The following MTHFS variants were observed in gnomAD, a reference collection of about 807,000 sequenced individuals.
MTHFS encodes methenyltetrahydrofolate synthetase, also known as 5-formyltetrahydrofolate cyclo-ligase.
MTHFS carries 7 observed loss-of-function variants against 12.7 expected under a neutral mutation model. That is an observed-to-expected ratio of 0.55 (90% CI 0.31 to 1.03). MTHFS has a LOEUF of 1.03. Among genes scored for constraint, MTHFS ranks in the 50% least tolerant of loss-of-function variants. MTHFS has a pLI of 0.05. For missense variants in MTHFS, 252 were observed against 258.1 expected (o/e 0.98, Z 0.16); for synonymous variants, 100 against 97.1 (o/e 1.03, Z -0.18).
At chr15:79,894,989 A>G (rs1399386614) in intron 1 of MTHFS, among the ~76,000 whole-genome samples, 2 of 152,132 alleles carry the variant, frequency 1.3e-5, no homozygotes, top group East Asian at 3.8e-4. Flanking sequence ...AAATGCTGCC[A>G]TTATACTCTT....
intron 2 of MTHFS, among the ~76,000 whole-genome samples, chr15:79,870,565 T>C (rs559944397): frequency 6.6e-6 from 1 of 152,112 alleles, no homozygotes; most frequent in Admixed American, 6.5e-5. Flanking sequence ...AACATACCAC[T>C]CACGGACCAT....
At chr15:79,886,533 T>C (rs535686967) in intron 2 of MTHFS, among the ~76,000 whole-genome samples, 1 of 152,106 alleles carries the variant, frequency 6.6e-6, no homozygotes, top group East Asian at 1.9e-4. Context: ...AAATATAGCA[T>C]AAATAAATAC....
At chr15:79,878,441 C>A (rs2034238212) in intron 2 of MTHFS, among the ~76,000 whole-genome samples, 1 of 150,626 alleles carries the variant, frequency 6.6e-6, no homozygotes, top group African/African-American at 2.5e-5. Context: ...GACGGTTAAT[C>A]AAATTGTAAC....
intron 2 of MTHFS, among the ~76,000 whole-genome samples, chr15:79,881,130 T>C (rs1439995601): frequency 3.3e-5 from 5 of 152,360 alleles, no homozygotes; most frequent in South Asian, 4.1e-4. Context: ...AGAAACCTAA[T>C]AGACATTTTA....
chr15:79,895,087 A>T (rs1043357177), intron 1 of MTHFS, among the ~76,000 whole-genome samples: 1 of 152,214 alleles, frequency 6.6e-6, no homozygotes, highest in Non-Finnish European at 1.5e-5. Flanking sequence ...TACAAGAGTG[A>T]TATTATCCAT....
chr15:79,848,158 T>C (rs2033652059), intron 2 of MTHFS, among the ~76,000 whole-genome samples: 1 of 152,244 alleles, frequency 6.6e-6, no homozygotes, highest in Non-Finnish European at 1.5e-5. Flanking sequence ...ATGAATATTA[T>C]TCAGCCATAT....
chr15:79,859,719 G>C (rs1224266457), intron 2 of MTHFS, among the ~76,000 whole-genome samples: 1 of 150,548 alleles, frequency 6.6e-6, no homozygotes, highest in Middle Eastern at 3.2e-3. Context: ...TCGGGAGATT[G>C]AGGCAGAAGA....
Position 79,864,022 on chromosome 15 carries a change from T to C in MTHFS, c.380-18580A>G, listed in dbSNP as rs528761110. Among the ~76,000 whole-genome samples the C allele has an allele frequency of 2.6e-5, 4 of 152,338 alleles. No individual in the cohort carries two copies. In the South Asian group the frequency reaches 8.3e-4, roughly 32 times the overall value. On this transcript the variant is annotated intron_variant, in intron 2 of 2. Transcript: ENST00000258874. ...ACCGTGTGCCATCCCACAAACAGCA[T>C]GCCTTCGGGGAAAGCAGACCTGGCA...
At chr15:79,866,715 C>A (rs549468645) in intron 2 of MTHFS, among the ~76,000 whole-genome samples, 6 of 152,278 alleles carry the variant, frequency 3.9e-5, no homozygotes, top group Admixed American at 3.9e-4. Flanking sequence ...CTTTGGGAGG[C>A]CAAGGTGGGT....
rs1252649815 is a variant in MTHFS at position 79,845,003 on chromosome 15, C to T, written c.*207G>A. On this transcript the variant is annotated 3_prime_UTR_variant, in exon 3 of 3. Transcript: ENST00000258874. Reference sequence around the variant, plus strand: ...AAGCTGAAAATCACAGGCTGATAGCCTCCATTTTAATTAATATTCTACTAT... The same window carrying T: ...AAGCTGAAAATCACAGGCTGATAGCTTCCATTTTAATTAATATTCTACTAT... 5.8e-6 allele frequency: 4 copies of T among 690,578 alleles called. No individual in the cohort carries two copies. In the East Asian group the frequency reaches 8.8e-5, roughly 15 times the overall value. The allele number at this position is 690,578 out of a possible 1,614,324, so 42.8% of individuals were successfully genotyped here. A position where few individuals can be genotyped will look rare whatever the true frequency, so the allele number is the denominator to read the frequency against.
intron 1 of MTHFS, 115 bp downstream of exon 1, chr15:79,896,757 G>T (rs1162056364): frequency 1.4e-6 from 2 of 1,446,848 alleles, no homozygotes; most frequent in South Asian, 1.3e-5. Context: ...GCGCCGGGGG[G>T]TGGGGGGGCG....
In MTHFS at chr15:79,850,273, C is replaced by T. The variant is rs547204779; in HGVS notation, c.380-4831G>A. Reference sequence around the variant, plus strand: ...AAGTATTTTTTGACCAGAGCTTTTACAATCTTACCTTAGAACTGGCTCTTA... The same window carrying T: ...AAGTATTTTTTGACCAGAGCTTTTATAATCTTACCTTAGAACTGGCTCTTA... On this transcript the variant is annotated intron_variant, in intron 2 of 2. Coordinates refer to ENST00000258874, the MANE Select transcript of MTHFS (RefSeq NM_006441.4). 4.6e-5 allele frequency among the ~76,000 whole-genome samples: 7 copies of T among 152,278 alleles called. No individual in the cohort carries two copies. In the South Asian group the frequency reaches 1.2e-3, roughly 27 times the overall value.
rs977864706 is a variant in MTHFS, at chr15:79,859,249, T to A, written c.380-13807A>T. ...TTTACAGTTAATCTTAAAAAATAAA[T>A]TTAGAATAGTCAGCTAAATTTTTCA... On this transcript the variant is annotated intron_variant, in intron 2 of 2. Coordinates refer to ENST00000258874, the MANE Select transcript of MTHFS (RefSeq NM_006441.4). Among the ~76,000 whole-genome samples, 5 of 152,222 alleles carry A rather than the reference T, an allele frequency of 3.3e-5. No homozygotes were observed. In the South Asian group the frequency reaches 1.0e-3, roughly 31 times the overall value.
At chr15:79,867,270 G>A (rs1201627808) in intron 2 of MTHFS, among the ~76,000 whole-genome samples, 1 of 151,566 alleles carries the variant, frequency 6.6e-6, no homozygotes, top group Admixed American at 6.6e-5. Context: ...ACAATTCTTG[G>A]TTGATTATCA....
chr15:79,850,919 A>G (rs1248871878), intron 2 of MTHFS, among the ~76,000 whole-genome samples: 1 of 152,204 alleles, frequency 6.6e-6, no homozygotes, highest in Admixed American at 6.5e-5. Context: ...TAATTCTGGC[A>G]GCGAGGTAGC....
chr15:79,856,616 G>T (rs1338294352), intron 2 of MTHFS, among the ~76,000 whole-genome samples: 2 of 152,156 alleles, frequency 1.3e-5, no homozygotes, highest in African/African-American at 4.8e-5. Flanking sequence ...TGAAGAAAGG[G>T]GGGAAAGAAG....
At chr15:79,876,415 A>T (rs2034195827) in intron 2 of MTHFS, 1 of 152,064 alleles carries the variant, frequency 6.6e-6, no homozygotes. Flanking sequence ...GATCGAGACC[A>T]TCCTGGCTAA....
chr15:79,859,658 A>C (rs1405747420), intron 2 of MTHFS, among the ~76,000 whole-genome samples: 3 of 152,108 alleles, frequency 2.0e-5, no homozygotes, highest in Non-Finnish European at 4.4e-5. Flanking sequence ...TCTCTTCTAA[A>C]AATACAAAAA....
chr15:79,885,727 A>G (rs2034370808), intron 2 of MTHFS, among the ~76,000 whole-genome samples: 1 of 152,238 alleles, frequency 6.6e-6, no homozygotes, highest in Admixed American at 6.5e-5. Context: ...TCGGACTGTT[A>G]GAAAACAAAC....
Sources: allele counts gnomAD v4.1 joint callset (sites outside exome capture counted in the v4.1 genomes callset), GRCh38; gene constraint gnomAD v4.1.1; transcripts MANE v1.5; gene names NCBI Gene and HGNC (gene_info 2026-07-23, HGNC 2026-07-21).